Variants in FBXO22 observed in about 807,000 individuals in gnomAD.
FBXO22 encodes the protein F-box only protein 22.
In FBXO22, 13 loss-of-function variants were observed where a neutral mutation model predicts 37.2. That is an observed-to-expected ratio of 0.35 (90% CI 0.23 to 0.56). The LOEUF is 0.56. FBXO22 is among the 20% of genes least tolerant of loss of function. The pLI is 0.87. For synonymous variants in FBXO22, 189 were observed against 189.1 expected (o/e 1.00, Z 0.00); for missense variants, 446 against 509.9 (o/e 0.87, Z 1.21).
chr15:75,930,662 G>C, intron 6 of FBXO22: 2 of 985,300 alleles, frequency 2.0e-6, no homozygotes, highest in Non-Finnish European at 2.4e-6. Context: ...CTTCTGTCTT[G>C]GGAGCCATTA....
intron 5 of FBXO22, among the ~76,000 whole-genome samples, chr15:75,925,549 G>C (rs1900420199): frequency 6.6e-6 from 1 of 152,112 alleles, no homozygotes; most frequent in South Asian, 2.1e-4. Flanking sequence ...AGAGAGTCTT[G>C]AGGGGTCATA....
intron 5 of FBXO22, among the ~76,000 whole-genome samples, chr15:75,927,815 C>G (rs2029877141): frequency 6.6e-6 from 1 of 152,102 alleles, no homozygotes; most frequent in Non-Finnish European, 1.5e-5. Context: ...CATCTGCATA[C>G]CCTTTGTTTC....
intron 2 of FBXO22, among the ~76,000 whole-genome samples, chr15:75,905,260 A>C (rs868674203): frequency 6.6e-6 from 1 of 152,176 alleles, no homozygotes; most frequent in Non-Finnish European, 1.5e-5. Flanking sequence ...TTGCTCAGTG[A>C]GCACACCTAG....
chr15:75,925,511 A>G (rs558955757), intron 5 of FBXO22, among the ~76,000 whole-genome samples: 2 of 152,202 alleles, frequency 1.3e-5, no homozygotes, highest in South Asian at 4.2e-4. Flanking sequence ...AAGAAGAACA[A>G]AGTTTTAAAA....
Position 75,930,055 on chromosome 15 carries a change from T to G in FBXO22, c.794+6T>G. ...TCATCACTGACTTCTGAAAAGTATGTCTTGTGTGCTTCTGATTTCGTCTGT... is the reference window on the plus strand; with the variant it reads ...TCATCACTGACTTCTGAAAAGTATGGCTTGTGTGCTTCTGATTTCGTCTGT... On this transcript the variant is annotated splice_donor_region_variant and intron_variant, in intron 6 of 6. Coordinates refer to ENST00000308275, the MANE Select transcript of FBXO22 (RefSeq NM_147188.3). The G allele has an allele frequency of 6.2e-7, 1 of 1,613,900 alleles. No homozygotes were observed. Among genetic ancestry groups the G allele is most frequent in the Non-Finnish European group, 8.5e-7 (1 of 1,179,826 alleles).
chr15:75,932,672 C>G lies in FBXO22; in HGVS notation c.795-13C>G, dbSNP rs1440174024. Reference sequence around the variant, plus strand: ...TGTTTCATGAGATATTGCCACTTTTCTAAATTTTCCAGGAACCCTCTGGAT... The same window carrying G: ...TGTTTCATGAGATATTGCCACTTTTGTAAATTTTCCAGGAACCCTCTGGAT... On this transcript the variant is annotated splice_polypyrimidine_tract_variant and intron_variant, in intron 6 of 6. Coordinates refer to ENST00000308275, the MANE Select transcript of FBXO22 (RefSeq NM_147188.3). 6.4e-7 allele frequency: 1 copy of G among 1,557,506 alleles called. No homozygotes were observed. Among genetic ancestry groups the G allele is most frequent in the Non-Finnish European group, 8.7e-7 (1 of 1,155,906 alleles).
intron 6 of FBXO22, chr15:75,930,277 C>A: frequency 7.1e-7 from 1 of 1,407,544 alleles, no homozygotes; most frequent in Admixed American, 3.0e-5. Context: ...CCTTGAGTCA[C>A]ATTCTCCTTA....
At position 75,914,149 on chromosome 15, in the gene FBXO22, A is replaced by C. The variant is rs112804636; in HGVS notation, c.407A>C (p.Glu136Ala). ...RTSMETALALEKLFPKQCQVL... is the reference protein window; with the variant it reads ...RTSMETALALAKLFPKQCQVL... Reference sequence around the variant, plus strand: ...AGTATGGAAACAGCACTTGCCCTTGAGAAGCTATTCCCCAAACAATGCCAA... The same window carrying C: ...AGTATGGAAACAGCACTTGCCCTTGCGAAGCTATTCCCCAAACAATGCCAA... Residue 136 changes from glutamate to alanine, a missense_variant, in exon 4 of 7, where the codon GAG becomes GCG. Physicochemically the swap from Glu to Ala is moderately radical, Grantham distance 107. Transcript: ENST00000308275. 3.7e-6 allele frequency: 6 copies of C among 1,613,936 alleles called. No homozygotes were observed. The Admixed American group carries it at 6.7e-5, about 18-fold the overall frequency.
intron 6 of FBXO22, chr15:75,931,004 C>A: frequency 4.0e-6 from 1 of 250,302 alleles, no homozygotes; most frequent in Non-Finnish European, 6.3e-6. Flanking sequence ...AGGCCAAGTA[C>A]GTTGAATCCC....
chr15:75,910,477 G>A (rs540610272), intron 2 of FBXO22: 138 of 152,274 alleles, frequency 9.1e-4, no homozygotes, highest in African/African-American at 3.2e-3. Context: ...GCATGAGATG[G>A]TATCTCATTT....
At chr15:75,917,764 C>T (rs994952870) in intron 5 of FBXO22, among the ~76,000 whole-genome samples, 1 of 152,018 alleles carries the variant, frequency 6.6e-6, no homozygotes, top group African/African-American at 2.4e-5. Flanking sequence ...CTTTTTTATT[C>T]TAGTAACAAG....
intron 5 of FBXO22, 38 bp downstream of exon 5, chr15:75,917,432 T>C (rs1277789467): frequency 1.4e-6 from 2 of 1,437,612 alleles, no homozygotes; most frequent in East Asian, 2.3e-5. Flanking sequence ...GCTCATTTTA[T>C]TGATTAATTT....
At position 75,936,904 on chromosome 15, in the gene FBXO22, A is replaced by G. The variant is rs922866536; in HGVS notation, c.*3802A>G. The G allele has an allele frequency of 5.3e-5, 8 of 152,170 alleles. No homozygotes were observed. The highest frequency in any genetic ancestry group is 1.3e-4 in the Admixed American group (2 of 15,280). The allele number at this position is 152,170 out of a possible 1,614,324, so 9.4% of individuals were successfully genotyped here. On this transcript the variant is annotated 3_prime_UTR_variant, in exon 7 of 7. Transcript: ENST00000308275. ...TTTCATTTCTTAAAACAGATTTATA[A>G]AAGTTTTTGCTATATAGTGACTGTT... is the stretch of plus-strand genomic sequence containing the variant.
intron 6 of FBXO22, among the ~76,000 whole-genome samples, chr15:75,931,605 G>A (rs540621867): frequency 4.2e-4 from 64 of 152,282 alleles, no homozygotes; most frequent in Middle Eastern, 3.4e-3. Flanking sequence ...TTGCGTCTTA[G>A]TTTCTCACTA....
intron 5 of FBXO22, among the ~76,000 whole-genome samples, chr15:75,917,753 C>A (rs1900221040): frequency 6.6e-6 from 1 of 152,116 alleles, no homozygotes; most frequent in Non-Finnish European, 1.5e-5. Flanking sequence ...GTTTTGTTAA[C>A]CTTTTTTATT....
At chr15:75,919,213 C>T (rs1900263187) in intron 5 of FBXO22, among the ~76,000 whole-genome samples, 1 of 152,096 alleles carries the variant, frequency 6.6e-6, no homozygotes, top group Non-Finnish European at 1.5e-5. Context: ...CTCAAGTGAT[C>T]CACCTGCCTC....
intron 5 of FBXO22, among the ~76,000 whole-genome samples, chr15:75,918,023 A>C (rs1437949262): frequency 1.3e-5 from 2 of 152,222 alleles, no homozygotes; most frequent in Non-Finnish European, 2.9e-5. Context: ...AGTAAACAAC[A>C]AACGAATTAC....
chr15:75,914,373 A>T (rs1204668255), intron 4 of FBXO22, among the ~76,000 whole-genome samples, 168 bp downstream of exon 4: 2 of 152,212 alleles, frequency 1.3e-5, no homozygotes, highest in Non-Finnish European at 2.9e-5. Context: ...ATTAATGTTT[A>T]TTAAGTTATT....
At chr15:75,913,180 C>T in intron 2 of FBXO22, 23 bp from the exon 3 acceptor site, 1 of 1,514,858 alleles carries the variant, frequency 6.6e-7, no homozygotes, top group Non-Finnish European at 9.1e-7. Flanking sequence ...GATCCAATTC[C>T]AATTTTTTTT....
Sources: allele counts gnomAD v4.1 joint callset (sites outside exome capture counted in the v4.1 genomes callset), GRCh38; gene constraint gnomAD v4.1.1; transcripts MANE v1.5; gene names NCBI Gene and HGNC (gene_info 2026-07-23, HGNC 2026-07-21).